Variants in DCDC2 observed in about 807,000 individuals in gnomAD.
DCDC2 encodes the protein doublecortin domain containing 2.
Under a neutral mutation model 50.2 loss-of-function variants are expected in DCDC2, and 40 were observed. The observed-to-expected ratio is 0.80, with a 90% CI of 0.62 to 1.04. The LOEUF is 1.04. DCDC2 is among the 50% of genes least tolerant of loss of function. The pLI, the probability that DCDC2 is intolerant of heterozygous loss-of-function variation, is 0.00. For missense variants in DCDC2, 570 were observed against 581.9 expected (o/e 0.98, Z 0.21); for synonymous variants, 234 against 210.6 (o/e 1.11, Z -0.96).
intron 6 of DCDC2, among the ~76,000 whole-genome samples, chr6:24,284,629 A>AT (rs1176480815): frequency 0.017 from 2,436 of 144,136 alleles, 36 homozygotes; most frequent in Middle Eastern, 0.042. Flanking sequence ...AAAAAAAAAA[A>AT]TTTTTTTTGA....
chr6:24,304,078 A>G (rs1030502652), intron 2 of DCDC2, among the ~76,000 whole-genome samples: 12 of 152,250 alleles, frequency 7.9e-5, no homozygotes, highest in Non-Finnish European at 1.5e-4. Context: ...CATACTCTAG[A>G]GTACAATTTT....
intron 7 of DCDC2, among the ~76,000 whole-genome samples, chr6:24,208,677 A>G (rs912077009): frequency 1.2e-4 from 18 of 152,078 alleles, no homozygotes; most frequent in Admixed American, 3.3e-4. Context: ...GCCCCTCTGC[A>G]CTACTTTTTC....
At chr6:24,274,895 A>G (rs896519135) in intron 7 of DCDC2, among the ~76,000 whole-genome samples, 3 of 152,142 alleles carry the variant, frequency 2.0e-5, no homozygotes, top group Non-Finnish European at 2.9e-5. Context: ...AACATATGCT[A>G]GAAAATAATC....
At position 24,173,272 on chromosome 6, in the gene DCDC2, G is replaced by A. The variant is rs1216206828; in HGVS notation, c.*1458C>T. 3 of 151,648 alleles carry A rather than the reference G, an allele frequency of 2.0e-5. No homozygotes were observed. The highest frequency in any genetic ancestry group is 1.3e-4 in the Admixed American group (2 of 15,254). The allele number at this position is 151,648 out of a possible 1,614,324, so 9.4% of individuals were successfully genotyped here. A position where few individuals can be genotyped will look rare whatever the true frequency, so the allele number is the denominator to read the frequency against. ...GTGGAAAATACCAAAATCATATTAA[G>A]AAAAAACACATCTATTTTCTATAGT... is the stretch of plus-strand genomic sequence containing the variant. On this transcript the variant is annotated 3_prime_UTR_variant, in exon 10 of 10. Transcript: ENST00000378454.
chr6:24,200,324 C>T (rs1448442441), intron 8 of DCDC2, among the ~76,000 whole-genome samples: 1 of 152,172 alleles, frequency 6.6e-6, no homozygotes, highest in Non-Finnish European at 1.5e-5. Flanking sequence ...TGCAGAAACC[C>T]TACAAGCCAG....
At position 24,273,328 on chromosome 6, in the gene DCDC2, C is replaced by T. The variant is rs547110756; in HGVS notation, c.922+4721G>A. On this transcript the variant is annotated intron_variant, in intron 7 of 9. Coordinates refer to ENST00000378454, the MANE Select transcript of DCDC2 (RefSeq NM_016356.5). ...GGTATGAGAAATTACATCATGGGGA[C>T]AATTTACATTATTCAAGTTATGGTT... Among the ~76,000 whole-genome samples, 56 of 152,204 alleles carry T rather than the reference C, an allele frequency of 3.7e-4. 1 individual carries two copies. Among genetic ancestry groups the T allele is most frequent in the African/African-American group, 1.2e-3 (51 of 41,534 alleles).
chr6:24,205,910 T>C (rs1197468129), intron 7 of DCDC2, among the ~76,000 whole-genome samples: 3 of 152,206 alleles, frequency 2.0e-5, no homozygotes. Flanking sequence ...TTCTCACAGA[T>C]GTTTTCTCTG....
At chr6:24,303,271 C>T (rs530981222) in intron 2 of DCDC2, among the ~76,000 whole-genome samples, 45 of 152,122 alleles carry the variant, frequency 3.0e-4, no homozygotes, top group African/African-American at 1.0e-3. Context: ...AGATAAATCC[C>T]GACTTTCAAG....
At chr6:24,307,742 G>C (rs944007610) in intron 2 of DCDC2, among the ~76,000 whole-genome samples, 40 of 151,296 alleles carry the variant, frequency 2.6e-4, no homozygotes, top group African/African-American at 9.7e-4. Flanking sequence ...TTCTGAAAAA[G>C]ATTTTTTAAA....
intron 7 of DCDC2, among the ~76,000 whole-genome samples, chr6:24,248,239 T>C (rs1227129047): frequency 6.6e-6 from 1 of 152,208 alleles, no homozygotes; most frequent in African/African-American, 2.4e-5. Context: ...CACCAACAAA[T>C]GTAGCCACCA....
chr6:24,361,480 T>C (rs1015997678), upstream of DCDC2, among the ~76,000 whole-genome samples: 5 of 150,950 alleles, frequency 3.3e-5, no homozygotes, highest in Admixed American at 1.3e-4. Flanking sequence ...AAGAGAACAA[T>C]ACAGGGAGGA....
At chr6:24,284,629 A>AAT (rs1491400463) in intron 6 of DCDC2, among the ~76,000 whole-genome samples, 16 of 144,114 alleles carry the variant, frequency 1.1e-4, no homozygotes, top group Non-Finnish European at 2.0e-4. Context: ...AAAAAAAAAA[A>AAT]TTTTTTTTGA....
rs199939071 is a variant in DCDC2, at chr6:24,291,018, A to G, written c.618T>C (p.Phe206=). 13 of 1,614,016 alleles carry G rather than the reference A, an allele frequency of 8.1e-6. 1 individual carries two copies. The East Asian group carries it at 2.7e-4, about 33-fold the overall frequency. Residue 206 remains phenylalanine (F), a synonymous_variant, in exon 5 of 10, where the codon TTT becomes TTC. Transcript: ENST00000378454. ...ESGAELENGQ[F]YVAVGRDKFK... ...ACTTATCTCTGCCAACAGCCACATA[A>G]AACTGCCCATTCTCCAACTCTGCTC...
chr6:24,357,110 GA>G (rs954928274), intron 1 of DCDC2: 18 of 191,170 alleles, frequency 9.4e-5, no homozygotes, highest in African/African-American at 3.5e-4. Flanking sequence ...GATTTCCAAG[GA>G]AAAAAAATAA....
chr6:24,222,224 A>G (rs1770909), intron 7 of DCDC2, among the ~76,000 whole-genome samples: 124,175 of 152,142 alleles, frequency 0.82, 51,475 homozygotes, highest in Non-Finnish European at 0.89. Context: ...ACTCAGGCAT[A>G]GAATATAAGG....
At chr6:24,339,889 G>T (rs138442682) in intron 2 of DCDC2, among the ~76,000 whole-genome samples, 100 of 152,286 alleles carry the variant, frequency 6.6e-4, no homozygotes, top group African/African-American at 2.4e-3. Context: ...CCACTAACTT[G>T]ATGCTATAAG....
intron 2 of DCDC2, among the ~76,000 whole-genome samples, chr6:24,323,421 A>C (rs893187182): frequency 5.3e-5 from 8 of 152,182 alleles, no homozygotes; most frequent in African/African-American, 1.7e-4. Context: ...AAATTCTAGT[A>C]AGATCTGTAG....
intron 2 of DCDC2, among the ~76,000 whole-genome samples, chr6:24,342,785 G>C (rs112128640): frequency 0.047 from 7,066 of 151,922 alleles, 212 homozygotes; most frequent in African/African-American, 0.072. Context: ...TTGTTACCCA[G>C]CTATGATGTA....
At chr6:24,176,412 C>T (rs1581567588) in intron 9 of DCDC2, among the ~76,000 whole-genome samples, 1 of 151,886 alleles carries the variant, frequency 6.6e-6, no homozygotes, top group East Asian at 1.9e-4. Context: ...CAGGTCAATG[C>T]CAAATTACAT....
Sources: gnomAD v4.1 joint callset for allele counts (sites outside exome capture counted in the v4.1 genomes callset) on GRCh38, gnomAD v4.1.1 for gene constraint, MANE v1.5 for transcripts, NCBI Gene and HGNC (gene_info 2026-07-23, HGNC 2026-07-21) for gene names.